TICRR: variants seen among roughly 807,000 people sequenced by gnomAD.
TICRR encodes treslin.
A neutral mutation model predicts 178.1 loss-of-function variants in TICRR; 132 were observed. That is an observed-to-expected ratio of 0.74 (90% CI 0.64 to 0.86). The LOEUF (loss-of-function observed/expected upper bound fraction) is 0.86, where lower values mean the gene tolerates loss of function less well. TICRR is among the 40% of genes least tolerant of loss of function. The pLI is 0.00. For synonymous variants in TICRR, 991 were observed against 900.7 expected, an observed-to-expected ratio of 1.10 and a Z score of -1.79; for missense variants, 2,587 against 2,334.3, an observed-to-expected ratio of 1.11 and a Z score of -2.23.
intron 1 of TICRR, among the ~76,000 whole-genome samples, chr15:89,578,831 T>C (rs118118631): frequency 0.057 from 8,638 of 152,208 alleles, 404 homozygotes; most frequent in Middle Eastern, 0.088. Flanking sequence ...TTTTCTGGAA[T>C]TTTCTTCTGC....
chr15:89,579,682 A>G (rs1190707843), intron 1 of TICRR: 1 of 151,824 alleles, frequency 6.6e-6, no homozygotes, highest in East Asian at 1.9e-4. Context: ...TCCCCTCCAA[A>G]ACTCATGGAG....
chr15:89,599,458 G>A lies in TICRR; in HGVS notation c.2035G>A (p.Gly679Ser), dbSNP rs1344980885. 1.2e-6 allele frequency: 2 copies of A among 1,612,654 alleles called. No individual in the cohort carries two copies. The highest frequency in any genetic ancestry group is 1.7e-6 in the Non-Finnish European group (2 of 1,179,512). The change falls in exon 8 of 22, where the codon GGC becomes AGC. Residue 679 changes from glycine to serine, a missense_variant. Transcript: ENST00000268138. Reference protein sequence around the residue: ...STVKMFLKSKGTKELEVNCLN... With the variant: ...STVKMFLKSKSTKELEVNCLN... ...CGTTAAAATGTTCCTAAAATCAAAA[G>A]GCACCAAGGAATTAGAAGTAAGAGG...
At chr15:89,622,917 C>A (rs973212914) in intron 19 of TICRR, among the ~76,000 whole-genome samples, 2 of 152,242 alleles carry the variant, frequency 1.3e-5, no homozygotes, top group African/African-American at 4.8e-5. Flanking sequence ...ATGCCCCTCG[C>A]ATGTCCCTGT....
At position 89,627,221 on chromosome 15, in the gene TICRR, T is replaced by C; in HGVS notation, c.*135T>C. 2.8e-6 allele frequency: 3 copies of C among 1,087,196 alleles called. No individual in the cohort carries two copies. Among genetic ancestry groups the C allele is most frequent in the Middle Eastern group, 3.1e-4 (1 of 3,222 alleles). 67.3% of individuals were successfully genotyped at this position (1,087,196 alleles called of 1,614,324 possible). A position where few individuals can be genotyped will look rare whatever the true frequency, so the allele number is the denominator to read the frequency against. On this transcript the variant is annotated 3_prime_UTR_variant, in exon 22 of 22. Transcript: ENST00000268138. ...TTGCCATTAGAATGCCTTAGGGTTTTCTAATTCCCCTTATGGATCCAATCC... is the reference window on the plus strand; with the variant it reads ...TTGCCATTAGAATGCCTTAGGGTTTCCTAATTCCCCTTATGGATCCAATCC...
chr15:89,619,263 T>C (rs1963385482), intron 17 of TICRR, among the ~76,000 whole-genome samples: 1 of 149,270 alleles, frequency 6.7e-6, no homozygotes, highest in South Asian at 2.2e-4. Context: ...TCTTGCTCTG[T>C]CGCCCAGGCT....
chr15:89,624,440 C>G lies in TICRR; in HGVS notation c.4130C>G (p.Pro1377Arg). The change falls in exon 20 of 22, where the codon CCC becomes CGC. Residue 1377 changes from proline to arginine, a missense_variant. By Grantham distance (103) the Pro-to-Arg change is moderately radical. Transcript: ENST00000268138. ...ACATTGGACACCGTCCCTCCTCCAC[C>G]CCCTTCTAAAGTTGGGAAACGGTGT... ...RATLDTVPPP[P>R]PSKVGKRCRK... 6.2e-7 allele frequency: 1 copy of G among 1,614,208 alleles called. No homozygotes were observed. Among genetic ancestry groups the G allele is most frequent in the Non-Finnish European group, 8.5e-7 (1 of 1,180,036 alleles).
intron 3 of TICRR, among the ~76,000 whole-genome samples, chr15:89,584,902 A>T (rs1962793661): frequency 6.6e-6 from 1 of 152,188 alleles, no homozygotes; most frequent in Admixed American, 6.5e-5. Context: ...GTAAAATTAG[A>T]TGTAATAGTA....
chr15:89,600,920 C>T (rs942482921), intron 9 of TICRR, among the ~76,000 whole-genome samples: 23 of 151,816 alleles, frequency 1.5e-4, no homozygotes, highest in Admixed American at 3.9e-4. Flanking sequence ...GTGGTGTACA[C>T]CTGTAGCCCT....
In TICRR at chr15:89,623,815, T is replaced by C. The variant is rs199627571; in HGVS notation, c.3505T>C (p.Leu1169=). 6.2e-4 allele frequency: 994 copies of C among 1,613,842 alleles called. 2 individuals are homozygous for C. The highest frequency in any genetic ancestry group is 1.2e-3 in the Middle Eastern group (7 of 6,062). Residue 1169 remains leucine (L), a synonymous_variant, in exon 20 of 22, where the codon TTG becomes CTG. Coordinates refer to ENST00000268138, the MANE Select transcript of TICRR (RefSeq NM_152259.4). ...DSSSPGHDSP[L]DSKITPQKRH... is the part of the protein sequence containing the mutation. ...CTCCTCACCCGGCCATGACTCACCA[T>C]TGGATTCAAAAATCACTCCTCAAAA...
intron 9 of TICRR, among the ~76,000 whole-genome samples, chr15:89,600,907 A>C (rs536051862): frequency 6.6e-6 from 1 of 152,188 alleles, no homozygotes; most frequent in South Asian, 2.1e-4. Context: ...TTAGGTGAGC[A>C]TGGTGGTGTA....
At chr15:89,620,714 TTTTGTTTG>T (rs557806413) in intron 18 of TICRR, among the ~76,000 whole-genome samples, 7 of 151,822 alleles carry the variant, frequency 4.6e-5, no homozygotes, top group Admixed American at 1.3e-4. Flanking sequence ...TTTTCTTATG[TTTTGTTTG>T]TTTGTTTGTT....
intron 21 of TICRR, among the ~76,000 whole-genome samples, chr15:89,626,468 A>G (rs1043171587): frequency 2.0e-5 from 3 of 152,168 alleles, no homozygotes; most frequent in African/African-American, 7.2e-5. Context: ...CTGTAGTTAT[A>G]ATCAGCCTGC....
At chr15:89,608,509 A>T (rs1963206388) in intron 14 of TICRR, among the ~76,000 whole-genome samples, 1 of 152,218 alleles carries the variant, frequency 6.6e-6, no homozygotes, top group African/African-American at 2.4e-5. Context: ...GAGAATGAAT[A>T]GTCTTTTGCA....
At chr15:89,621,693 A>G in intron 19 of TICRR, 143 bp downstream of exon 19, 1 of 695,910 alleles carries the variant, frequency 1.4e-6, no homozygotes, top group Non-Finnish European at 2.3e-6. Flanking sequence ...GTGGAGCCAC[A>G]TGAATGATTA....
At chr15:89,595,264 A>G (rs1193874050) in intron 6 of TICRR, 129 bp from the exon 7 acceptor site, 2 of 689,882 alleles carry the variant, frequency 2.9e-6, no homozygotes, top group African/African-American at 3.6e-5. Flanking sequence ...AGAACTTCCT[A>G]ATTCAAATCA....
chr15:89,595,763 A>G (rs1251971384), intron 7 of TICRR, 152 bp downstream of exon 7: 3 of 642,990 alleles, frequency 4.7e-6, no homozygotes, highest in African/African-American at 3.7e-5. Context: ...CTATTCTTAG[A>G]TTTATGATCT....
chr15:89,599,225 T>A, intron 7 of TICRR, 99 bp from the exon 8 acceptor site: 18 of 609,738 alleles, frequency 3.0e-5, no homozygotes, highest in East Asian at 2.6e-4. Flanking sequence ...AAATGTTCCC[T>A]GCAAGGAAAT....
At chr15:89,587,889 T>C (rs1284116041) in intron 4 of TICRR, among the ~76,000 whole-genome samples, 1 of 152,160 alleles carries the variant, frequency 6.6e-6, no homozygotes, top group Non-Finnish European at 1.5e-5. Flanking sequence ...TCAAGGTTTT[T>C]GGTTTTGATT....
chr15:89,587,299 A>G (rs931232539), intron 4 of TICRR, among the ~76,000 whole-genome samples: 6 of 152,106 alleles, frequency 3.9e-5, no homozygotes, highest in Non-Finnish European at 7.4e-5. Context: ...TGAGTTGTTC[A>G]TTAGACATCC....
Sources: allele counts gnomAD v4.1 joint callset (sites outside exome capture counted in the v4.1 genomes callset), GRCh38; gene constraint gnomAD v4.1.1; transcripts MANE v1.5; gene names NCBI Gene and HGNC (gene_info 2026-07-23, HGNC 2026-07-21).